The following RPL22 variants were observed in gnomAD, a reference collection of about 807,000 sequenced individuals.
RPL22 encodes large ribosomal subunit protein eL22.
Under a neutral mutation model 16.2 loss-of-function variants are expected in RPL22, and 4 were observed. The observed-to-expected ratio is 0.25, with a 90% CI of 0.12 to 0.57. The LOEUF (loss-of-function observed/expected upper bound fraction) is 0.57. RPL22 is among the 20% of genes least tolerant of loss of function. The probability of loss-of-function intolerance (pLI) is 0.92; values close to 1 mark genes in which losing one functional copy is unlikely to be tolerated. For missense variants in RPL22, 83 were observed against 156.1 expected, an observed-to-expected ratio of 0.53 and a Z score of 2.49; for synonymous variants, 43 against 54.8, an observed-to-expected ratio of 0.78 and a Z score of 0.95.
rs542775235 is a variant in RPL22, at chr1:6,195,610, G to C, written c.117+2042C>G. 3.4e-4 allele frequency among the ~76,000 whole-genome samples: 52 copies of C among 151,686 alleles called. 1 individual carries two copies. The highest frequency in any genetic ancestry group is 2.1e-3 in the South Asian group (10 of 4,800). On this transcript the variant is annotated intron_variant, in intron 2 of 3. Coordinates refer to ENST00000234875, the MANE Select transcript of RPL22 (RefSeq NM_000983.4). Reference sequence around the variant, plus strand: ...ACCACAAAAATACACAAATTAGGTGGGCATGGTGGCACACGCCTGTAATCT... The same window carrying C: ...ACCACAAAAATACACAAATTAGGTGCGCATGGTGGCACACGCCTGTAATCT...
intron 3 of RPL22, among the ~76,000 whole-genome samples, chr1:6,187,474 C>T (rs960270580): frequency 2.6e-5 from 4 of 151,804 alleles, no homozygotes; most frequent in Admixed American, 1.3e-4. Flanking sequence ...ATTAGCCAGA[C>T]GTCGTGCTGG....
rs544484689 is a variant in RPL22, at chr1:6,194,224, A to T, written c.118-1170T>A. Reference sequence around the variant, plus strand: ...GTCTCAAAAAATAAATAAATAAAACAAACTTTTACAAGGTACATGCAACCA... The same window carrying T: ...GTCTCAAAAAATAAATAAATAAAACTAACTTTTACAAGGTACATGCAACCA... On this transcript the variant is annotated intron_variant, in intron 2 of 3. Coordinates refer to ENST00000234875, the MANE Select transcript of RPL22 (RefSeq NM_000983.4). Among the ~76,000 whole-genome samples the T allele has an allele frequency of 5.3e-5, 8 of 152,310 alleles. No individual in the cohort carries two copies. The South Asian group carries it at 1.4e-3, about 28-fold the overall frequency.
At position 6,185,078 on chromosome 1, in the gene RPL22, T is replaced by C; in HGVS notation, c.*1594A>G. 2.7e-6 allele frequency: 1 copy of C among 371,094 alleles called. No individual in the cohort carries two copies. The highest frequency in any genetic ancestry group is 4.8e-6 in the Non-Finnish European group (1 of 209,584). 23.0% of individuals were successfully genotyped at this position (371,094 alleles called of 1,614,324 possible). On this transcript the variant is annotated 3_prime_UTR_variant, in exon 4 of 4. Transcript: ENST00000234875. Reference sequence around the variant, plus strand: ...ATAGAAAATATGATCAAAACTCGATTACAAGAGTTCAAAAAGACATAGAAA... The same window carrying C: ...ATAGAAAATATGATCAAAACTCGATCACAAGAGTTCAAAAAGACATAGAAA...
At chr1:6,197,599 C>T in intron 2 of RPL22, 53 bp downstream of exon 2, 1 of 1,208,302 alleles carries the variant, frequency 8.3e-7, no homozygotes, top group Non-Finnish European at 1.2e-6. Context: ...GTTTTCTCAA[C>T]AGTATCTCAA....
intron 2 of RPL22, among the ~76,000 whole-genome samples, chr1:6,193,289 T>C (rs1392690175): frequency 6.6e-6 from 1 of 151,466 alleles, no homozygotes; most frequent in Non-Finnish European, 1.5e-5. Context: ...ATTACGGGCA[T>C]GAGCCATCCC....
chr1:6,193,323 A>AT (rs755169791), intron 2 of RPL22, among the ~76,000 whole-genome samples: 12,743 of 133,062 alleles, frequency 0.096, 969 homozygotes, highest in African/African-American at 0.22. Flanking sequence ...TGACTTTACA[A>AT]TTTTTTTTTT....
At chr1:6,198,454 G>C (rs1432239022) in intron 1 of RPL22, 1 of 152,278 alleles carries the variant, frequency 6.6e-6, no homozygotes. Context: ...CAAGGTTCCA[G>C]TTTCTTCACT....
chr1:6,199,514 C>G, intron 1 of RPL22, 48 bp downstream of exon 1: 1 of 1,549,384 alleles, frequency 6.5e-7, no homozygotes, highest in South Asian at 1.2e-5. Context: ...CTCGGCGAGG[C>G]CCACGTGCCT....
At chr1:6,189,279 G>C (rs1023484382) in intron 3 of RPL22, among the ~76,000 whole-genome samples, 2 of 150,866 alleles carry the variant, frequency 1.3e-5, no homozygotes. Context: ...CAATTCAACT[G>C]TCCACTTTTT....
At chr1:6,195,539 CAGG>C (rs1667705234) in intron 2 of RPL22, among the ~76,000 whole-genome samples, 1 of 151,712 alleles carries the variant, frequency 6.6e-6, no homozygotes, top group Non-Finnish European at 1.5e-5. Flanking sequence ...CACCTGAGGT[CAGG>C]AGTTCAAGAC....
At chr1:6,187,389 C>T (rs1571183900) in intron 3 of RPL22, among the ~76,000 whole-genome samples, 2 of 151,674 alleles carry the variant, frequency 1.3e-5, no homozygotes, top group African/African-American at 2.4e-5. Context: ...CTGAGGCAGG[C>T]GGATCATGAG....
chr1:6,187,287 G>A (rs1163572245), intron 3 of RPL22, among the ~76,000 whole-genome samples: 1 of 151,816 alleles, frequency 6.6e-6, no homozygotes, highest in Non-Finnish European at 1.5e-5. Flanking sequence ...CAGCCTGGGT[G>A]ACAGAGCAAG....
chr1:6,190,647 G>C (rs1168514657), intron 3 of RPL22, among the ~76,000 whole-genome samples: 1 of 152,160 alleles, frequency 6.6e-6, no homozygotes, highest in Non-Finnish European at 1.5e-5. Context: ...CCAAAGTGCT[G>C]GGATTTAGTA....
intron 1 of RPL22, 177 bp downstream of exon 1, chr1:6,199,385 C>T: frequency 7.5e-7 from 1 of 1,339,380 alleles, no homozygotes; most frequent in Non-Finnish European, 9.6e-7. Context: ...GCCGCGGCCT[C>T]CTCCGCCTAC....
At chr1:6,195,444 C>G (rs1359667144) in intron 2 of RPL22, among the ~76,000 whole-genome samples, 1 of 141,022 alleles carries the variant, frequency 7.1e-6, no homozygotes, top group Non-Finnish European at 1.5e-5. Flanking sequence ...AAGACTCCGT[C>G]TCAAAAAAAA....
intron 3 of RPL22, among the ~76,000 whole-genome samples, chr1:6,191,430 G>A (rs1385657490): frequency 4.0e-5 from 6 of 149,986 alleles, no homozygotes; most frequent in Non-Finnish European, 7.4e-5. Context: ...CACTCTGGGA[G>A]GCCGAGGCGG....
intron 3 of RPL22, among the ~76,000 whole-genome samples, chr1:6,189,612 T>TAAAA (rs550383303): frequency 0.1 from 13,156 of 125,474 alleles, 830 homozygotes; most frequent in African/African-American, 0.19. Flanking sequence ...AAAATCAGGT[T>TAAAA]AAAAAAAAAA....
rs768078095 is a variant in RPL22 at position 6,197,792 on chromosome 1, T to C, written c.13-36A>G. On this transcript the variant is annotated intron_variant, in intron 1 of 3. Coordinates refer to ENST00000234875, the MANE Select transcript of RPL22 (RefSeq NM_000983.4). Reference sequence around the variant, plus strand: ...ACACAAATGATAACAGAGATGAAGTTTCAGTCAGTCGGAAAAACAAGATTA... The same window carrying C: ...ACACAAATGATAACAGAGATGAAGTCTCAGTCAGTCGGAAAAACAAGATTA... The C allele has an allele frequency of 4.8e-6, 7 of 1,448,214 alleles. No homozygotes were observed. In the Admixed American group the frequency reaches 5.0e-5, roughly 10 times the overall value. The allele number at this position is 1,448,214 out of a possible 1,614,324, so 89.7% of individuals were successfully genotyped here.
intron 3 of RPL22, among the ~76,000 whole-genome samples, chr1:6,190,571 A>C (rs899065152): frequency 1.3e-5 from 2 of 152,056 alleles, no homozygotes; most frequent in Non-Finnish European, 2.9e-5. Flanking sequence ...GTAGAAACGG[A>C]GTTTCTCCAT....
Sources: gnomAD v4.1 joint callset for allele counts (sites outside exome capture counted in the v4.1 genomes callset) on GRCh38, gnomAD v4.1.1 for gene constraint, MANE v1.5 for transcripts, NCBI Gene and HGNC (gene_info 2026-07-23, HGNC 2026-07-21) for gene names.